PHKA1: variants seen among roughly 807,000 people sequenced by gnomAD.
The protein encoded by PHKA1 is phosphorylase b kinase regulatory subunit alpha, skeletal muscle isoform.
Under a neutral mutation model 110.2 loss-of-function variants are expected in PHKA1, and 60 were observed. The observed-to-expected ratio is 0.54, with a 90% CI of 0.44 to 0.68. The LOEUF (loss-of-function observed/expected upper bound fraction) is 0.68, where lower values mean the gene tolerates loss of function less well. PHKA1 is among the 30% of genes least tolerant of loss of function. PHKA1 has a pLI of 0.00. For synonymous variants in PHKA1, 316 were observed against 333.6 expected, an observed-to-expected ratio of 0.95 and a Z score of 0.58; for missense variants, 801 against 942.5, an observed-to-expected ratio of 0.85 and a Z score of 1.97.
At chrX:72,702,778 G>T (rs1219763296) in intron 3 of PHKA1, among the ~76,000 whole-genome samples, 1 of 111,638 alleles carries the variant, frequency 9.0e-6, no homozygotes, top group African/African-American at 3.3e-5. Context: ...GGATGTGAAA[G>T]GAAAATAACT....
intron 29 of PHKA1, among the ~76,000 whole-genome samples, chrX:72,590,490 A>C (rs781847544): frequency 9.0e-6 from 1 of 110,915 alleles, no homozygotes; most frequent in South Asian, 3.7e-4. Flanking sequence ...AAACCTAGGC[A>C]ATAGGCATGT....
intron 23 of PHKA1, among the ~76,000 whole-genome samples, chrX:72,609,119 T>G (rs1186772568): frequency 8.9e-6 from 1 of 112,299 alleles, no homozygotes; most frequent in African/African-American, 3.2e-5. Flanking sequence ...AGGCCAAGCC[T>G]ATCTTAGGGT....
chrX:72,712,690 G>C, intron 2 of PHKA1, 89 bp downstream of exon 2: 1 of 823,128 alleles, frequency 1.2e-6, no homozygotes. Context: ...CTTAGCTTTT[G>C]GTGGGTTTCA....
chrX:72,588,351 G>A (rs782219394), intron 29 of PHKA1, among the ~76,000 whole-genome samples: 2 of 111,793 alleles, frequency 1.8e-5, no homozygotes, highest in East Asian at 2.8e-4. Flanking sequence ...ACGAAATGAC[G>A]GCAGAAATGA....
intron 4 of PHKA1, 66 bp from the exon 5 acceptor site, chrX:72,684,646 T>A: frequency 1.5e-6 from 1 of 687,031 alleles, no homozygotes. Context: ...TAGGCAGCCA[T>A]AGTGACTAAC....
chrX:72,668,194 G>T (rs1476243020), intron 6 of PHKA1, among the ~76,000 whole-genome samples: 2 of 111,849 alleles, frequency 1.8e-5, no homozygotes, highest in African/African-American at 3.2e-5. Context: ...AATTCCTTGA[G>T]GTCGGGGATT....
chrX:72,594,545 A>G (rs2052564725), intron 28 of PHKA1, among the ~76,000 whole-genome samples: 1 of 112,680 alleles, frequency 8.9e-6, no homozygotes, highest in Admixed American at 9.4e-5. Flanking sequence ...AAATTCCTAG[A>G]AAGACACAAA....
chrX:72,605,162 T>C, intron 25 of PHKA1, 109 bp downstream of exon 25: 1 of 739,242 alleles, frequency 1.4e-6, no homozygotes. Context: ...CATATCCAGC[T>C]TCTGAGCTAT....
Position 72,684,493 on chromosome X carries a change from C to G in PHKA1, c.537+5G>C. Reference sequence around the variant, plus strand: ...TCTAAAATCCATTCTAAAATCAGTACTTACAGCAGTTTTATATGCAGCTTC... The same window carrying G: ...TCTAAAATCCATTCTAAAATCAGTAGTTACAGCAGTTTTATATGCAGCTTC... On this transcript the variant is annotated splice_donor_5th_base_variant and intron_variant, in intron 5 of 31. Transcript: ENST00000373542. 12 of 1,096,002 alleles carry G rather than the reference C, an allele frequency of 1.1e-5. No homozygotes were observed. The highest frequency in any genetic ancestry group is 1.5e-5 in the Non-Finnish European group (12 of 790,179). The allele number at this position is 1,096,002 out of a possible 1,213,427, so 90.3% of individuals were successfully genotyped here.
intron 30 of PHKA1, 69 bp downstream of exon 30, chrX:72,584,180 A>C: frequency 2.4e-6 from 2 of 823,608 alleles, no homozygotes; most frequent in Non-Finnish European, 3.7e-6. Flanking sequence ...TTGAAAAGTA[A>C]GTGATCACTG....
intron 28 of PHKA1, among the ~76,000 whole-genome samples, chrX:72,600,335 A>G (rs1326855767): frequency 9.0e-6 from 1 of 111,463 alleles, no homozygotes; most frequent in Non-Finnish European, 1.9e-5. Context: ...GTAGCTGGGA[A>G]CATGTACTTC....
chrX:72,656,013 C>T (rs1556301221), intron 10 of PHKA1, 107 bp downstream of exon 10: 3 of 847,633 alleles, frequency 3.5e-6, no homozygotes, highest in Non-Finnish European at 3.5e-6. Context: ...ACAACTGTCT[C>T]TCCCCTATTA....
chrX:72,692,493 A>C (rs782084440), intron 4 of PHKA1, among the ~76,000 whole-genome samples: 16 of 111,831 alleles, frequency 1.4e-4, no homozygotes, highest in Non-Finnish European at 2.8e-4. Context: ...GAAAGATTTT[A>C]TATTACTAAT....
chrX:72,680,679 T>G (rs1486496614), intron 5 of PHKA1, among the ~76,000 whole-genome samples: 1 of 107,083 alleles, frequency 9.3e-6, no homozygotes, highest in Non-Finnish European at 1.9e-5. Flanking sequence ...GCCAGGACAG[T>G]CGCGGCGCTG....
At chrX:72,637,340 A>C (rs1328213206) in intron 14 of PHKA1, among the ~76,000 whole-genome samples, 1 of 112,176 alleles carries the variant, frequency 8.9e-6, no homozygotes, top group Non-Finnish European at 1.9e-5. Flanking sequence ...CATTTAGCAT[A>C]GTCTTCAAAG....
intron 29 of PHKA1, among the ~76,000 whole-genome samples, chrX:72,590,015 A>C (rs2052494630): frequency 9.0e-6 from 1 of 111,562 alleles, no homozygotes; most frequent in Non-Finnish European, 1.9e-5. Context: ...TAATTTATAG[A>C]TTCAATGCCA....
At chrX:72,626,927 T>C in intron 17 of PHKA1, 44 bp downstream of exon 17, 1 of 1,006,235 alleles carries the variant, frequency 9.9e-7, no homozygotes, top group Non-Finnish European at 1.4e-6. Flanking sequence ...TCCAGCCCCT[T>C]AATTTCATTT....
intron 16 of PHKA1, among the ~76,000 whole-genome samples, chrX:72,628,597 T>TA (rs61633790): frequency 0.18 from 16,793 of 94,342 alleles, 3,054 homozygotes; most frequent in East Asian, 0.63. Context: ...TATATATATA[T>TA]TTTTTTTTTT....
At chrX:72,590,885 T>C (rs1429847139) in intron 29 of PHKA1, among the ~76,000 whole-genome samples, 1 of 111,733 alleles carries the variant, frequency 8.9e-6, no homozygotes, top group Non-Finnish European at 1.9e-5. Flanking sequence ...CCAGTTAGAA[T>C]GGTGATCATT....
Sources: allele counts gnomAD v4.1 joint callset (sites outside exome capture counted in the v4.1 genomes callset), GRCh38; gene constraint gnomAD v4.1.1; transcripts MANE v1.5; gene names NCBI Gene and HGNC (gene_info 2026-07-23, HGNC 2026-07-21).